Variants in ACOXL observed in about 807,000 individuals in gnomAD.
ACOXL encodes the protein acyl-CoA oxidase like, also known as acyl-coenzyme A oxidase-like protein.
ACOXL carries 70 observed loss-of-function variants against 71.9 expected under a neutral mutation model. The observed-to-expected ratio is 0.97, with a 90% confidence interval of 0.80 to 1.19. The LOEUF (loss-of-function observed/expected upper bound fraction) is 1.19. ACOXL is among the 50% of genes most tolerant of loss of function. ACOXL has a pLI of 0.00. For synonymous variants in ACOXL, 253 were observed against 281.6 expected, an observed-to-expected ratio of 0.90 and a Z score of 1.02; for missense variants, 703 against 736.3, an observed-to-expected ratio of 0.95 and a Z score of 0.52.
At chr2:110,735,166 A>T (rs960516601) in intron 1 of ACOXL, among the ~76,000 whole-genome samples, 2 of 152,224 alleles carry the variant, frequency 1.3e-5, no homozygotes, top group Admixed American at 1.3e-4. Flanking sequence ...AAAGATTCTG[A>T]TATCTATCTA....
chr2:110,782,622 A>G (rs775415254), intron 2 of ACOXL, among the ~76,000 whole-genome samples: 19 of 152,262 alleles, frequency 1.2e-4, no homozygotes, highest in Non-Finnish European at 2.6e-4. Context: ...ATAATGCTCT[A>G]TGATGGCTAA....
intron 9 of ACOXL, among the ~76,000 whole-genome samples, chr2:110,840,190 C>T (rs1448693423): frequency 2.0e-5 from 3 of 152,114 alleles, no homozygotes; most frequent in African/African-American, 7.2e-5. Context: ...GGGGTTTCAC[C>T]ATCTTGGCCA....
At chr2:111,022,049 T>C (rs908633609) in intron 14 of ACOXL, among the ~76,000 whole-genome samples, 6 of 151,902 alleles carry the variant, frequency 3.9e-5, no homozygotes, top group African/African-American at 1.5e-4. Context: ...AAAGACGTAA[T>C]ACAGAAAGAA....
intron 9 of ACOXL, among the ~76,000 whole-genome samples, chr2:110,838,067 G>T (rs186115567): frequency 1.1e-3 from 160 of 152,362 alleles, no homozygotes; most frequent in African/African-American, 3.6e-3. Flanking sequence ...GAATGCCAAA[G>T]TGTATCCATG....
intron 14 of ACOXL, among the ~76,000 whole-genome samples, chr2:111,003,837 A>T (rs980714920): frequency 3.3e-5 from 5 of 152,214 alleles, no homozygotes; most frequent in African/African-American, 1.2e-4. Context: ...GAAGGGGAAG[A>T]CCACAAAGAT....
intron 1 of ACOXL, among the ~76,000 whole-genome samples, chr2:110,737,622 A>G (rs1272024344): frequency 6.6e-6 from 1 of 152,212 alleles, no homozygotes; most frequent in Non-Finnish European, 1.5e-5. Context: ...CTAGACAGAT[A>G]TGAAACAGAA....
At position 110,776,342 on chromosome 2, in the gene ACOXL, GTGA is replaced by G. The variant is rs1682647078; in HGVS notation, c.75+7884_75+7886del. ...GATTAAGAAGTTCTGGAGATGGATG[GTGA>G]TGATGGTTGCCAAACACTGTGAATA... On this transcript the variant is annotated intron_variant, in intron 2 of 17. Transcript: ENST00000439055. Among the ~76,000 whole-genome samples the G allele has an allele frequency of 5.3e-5, 8 of 151,440 alleles. No homozygotes were observed. The South Asian group carries it at 1.7e-3, about 31-fold the overall frequency.
At chr2:111,026,265 T>A (rs1420906701) in intron 14 of ACOXL, among the ~76,000 whole-genome samples, 1 of 152,108 alleles carries the variant, frequency 6.6e-6, no homozygotes, top group African/African-American at 2.4e-5. Context: ...TTTTACAAAT[T>A]TTCTAATTAG....
intron 16 of ACOXL, among the ~76,000 whole-genome samples, chr2:111,079,054 T>A (rs912121544): frequency 7.2e-5 from 11 of 152,372 alleles, no homozygotes; most frequent in East Asian, 1.9e-4. Flanking sequence ...GGCCTTTTTT[T>A]AAAAGCTGTA....
At chr2:110,897,956 C>T (rs563353261) in intron 10 of ACOXL, among the ~76,000 whole-genome samples, 1 of 151,436 alleles carries the variant, frequency 6.6e-6, no homozygotes, top group South Asian at 2.1e-4. Flanking sequence ...TAAGAGAATA[C>T]TAGGAACAAC....
chr2:111,028,899 G>A (rs1221666473), intron 14 of ACOXL, among the ~76,000 whole-genome samples: 1 of 152,146 alleles, frequency 6.6e-6, no homozygotes, highest in Non-Finnish European at 1.5e-5. Flanking sequence ...GGTTTTGCCA[G>A]GGAACTAACT....
chr2:111,046,478 C>G (rs2066021163), intron 15 of ACOXL, among the ~76,000 whole-genome samples: 1 of 152,164 alleles, frequency 6.6e-6, no homozygotes, highest in Non-Finnish European at 1.5e-5. Context: ...ACTCACAGTT[C>G]TGCAGGGTTG....
At chr2:110,900,263 A>G (rs148724774) in intron 10 of ACOXL, among the ~76,000 whole-genome samples, 81 of 152,256 alleles carry the variant, frequency 5.3e-4, no homozygotes, top group African/African-American at 1.9e-3. Context: ...GATGCAGAGT[A>G]AGTTAGTGCT....
chr2:110,873,180 G>A (rs1695477181), intron 10 of ACOXL, among the ~76,000 whole-genome samples: 1 of 152,196 alleles, frequency 6.6e-6, no homozygotes, highest in African/African-American at 2.4e-5. Flanking sequence ...TGCACACCAT[G>A]GGTCACTGGT....
intron 11 of ACOXL, 25 bp downstream of exon 11, chr2:110,908,930 C>G (rs1377306237): frequency 7.6e-6 from 12 of 1,579,006 alleles, no homozygotes; most frequent in Non-Finnish European, 1.0e-5. Flanking sequence ...AGGGTTTGCT[C>G]TCTTAGGGTA....
At chr2:110,891,189 A>C (rs975612996) in intron 10 of ACOXL, among the ~76,000 whole-genome samples, 7 of 152,048 alleles carry the variant, frequency 4.6e-5, no homozygotes, top group African/African-American at 1.7e-4. Flanking sequence ...TGGATTTTCT[A>C]TATACAAGAT....
chr2:111,107,429 T>C (rs1477543820), intron 17 of ACOXL, among the ~76,000 whole-genome samples: 2 of 152,246 alleles, frequency 1.3e-5, no homozygotes, highest in Admixed American at 6.5e-5. Flanking sequence ...TCCATCTTCT[T>C]AGAAGTGACT....
At chr2:110,793,849 A>G in intron 4 of ACOXL, 113 bp downstream of exon 4, 1 of 993,606 alleles carries the variant, frequency 1.0e-6, no homozygotes. Flanking sequence ...CAGAATTTGT[A>G]TCAGCAAAAA....
intron 11 of ACOXL, among the ~76,000 whole-genome samples, chr2:110,926,658 A>G (rs1328965252): frequency 6.6e-6 from 1 of 152,194 alleles, no homozygotes; most frequent in African/African-American, 2.4e-5. Flanking sequence ...TAAATGCCCA[A>G]TAAATGTTAG....
Sources: allele counts gnomAD v4.1 joint callset (sites outside exome capture counted in the v4.1 genomes callset), GRCh38; gene constraint gnomAD v4.1.1; transcripts MANE v1.5; gene names NCBI Gene and HGNC (gene_info 2026-07-23, HGNC 2026-07-21).